NSMCE2: variants seen among roughly 807,000 people sequenced by gnomAD.
The protein encoded by NSMCE2 is E3 SUMO-protein ligase NSE2.
Under a neutral mutation model 23.8 loss-of-function variants are expected in NSMCE2, and 24 were observed. The ratio of observed to expected loss-of-function variants is 1.01; its 90% CI spans 0.73 to 1.42. The LOEUF (loss-of-function observed/expected upper bound fraction) is 1.42. NSMCE2 is among the 40% of genes most tolerant of loss of function. NSMCE2 has a pLI of 0.00. For missense variants in NSMCE2, 284 were observed against 296.5 expected, an observed-to-expected ratio of 0.96 and a Z score of 0.31; for synonymous variants, 92 against 94.1, an observed-to-expected ratio of 0.98 and a Z score of 0.13.
chr8:125,282,088 G>A (rs1029249895), intron 5 of NSMCE2, among the ~76,000 whole-genome samples: 16 of 151,600 alleles, frequency 1.1e-4, no homozygotes, highest in Non-Finnish European at 2.4e-4. Flanking sequence ...GAAATCGGAT[G>A]TTTGGATTTT....
intron 5 of NSMCE2, among the ~76,000 whole-genome samples, chr8:125,246,861 A>G (rs1288246598): frequency 6.6e-6 from 1 of 152,210 alleles, no homozygotes; most frequent in Non-Finnish European, 1.5e-5. Flanking sequence ...TAATTAACAT[A>G]TCTGACACCG....
intron 5 of NSMCE2, chr8:125,348,856 AATACAGGAACCT>A (rs1812898533): frequency 6.6e-6 from 1 of 152,218 alleles, no homozygotes; most frequent in Non-Finnish European, 1.5e-5. Context: ...AGAACGGACT[AATACAGGAACCT>A]AGGATTCAGC....
intron 4 of NSMCE2, among the ~76,000 whole-genome samples, chr8:125,168,928 C>T (rs1822033594): frequency 6.6e-6 from 1 of 152,196 alleles, no homozygotes; most frequent in Admixed American, 6.5e-5. Flanking sequence ...ACCATGTATT[C>T]TCAACCAGGG....
At chr8:125,155,991 T>A (rs1821284056) in intron 4 of NSMCE2, 1 of 452,742 alleles carries the variant, frequency 2.2e-6, no homozygotes, top group Non-Finnish European at 4.4e-6. Context: ...AAAATATATA[T>A]CCTCTCAGCT....
chr8:125,261,759 CAAAAA>C (rs1826701467), intron 5 of NSMCE2, among the ~76,000 whole-genome samples: 4 of 147,482 alleles, frequency 2.7e-5, no homozygotes, highest in African/African-American at 1.0e-4. Flanking sequence ...AAAAAAAAAA[CAAAAA>C]CAAAACAGCT....
intron 5 of NSMCE2, among the ~76,000 whole-genome samples, chr8:125,257,200 C>G (rs1826471070): frequency 6.6e-6 from 1 of 151,352 alleles, no homozygotes; most frequent in Non-Finnish European, 1.5e-5. Context: ...AGGAGAATCA[C>G]TTGAACCCAG....
chr8:125,279,731 C>T (rs905780341), intron 5 of NSMCE2, among the ~76,000 whole-genome samples: 3 of 152,066 alleles, frequency 2.0e-5, no homozygotes, highest in Non-Finnish European at 4.4e-5. Context: ...AATAAGCATC[C>T]ATATTTAAAA....
chr8:125,125,485 A>G (rs1044890441), intron 3 of NSMCE2, among the ~76,000 whole-genome samples: 1 of 152,236 alleles, frequency 6.6e-6, no homozygotes, highest in African/African-American at 2.4e-5. Flanking sequence ...AAGCAAGTGG[A>G]ATAAAGCTGT....
chr8:125,167,838 A>G (rs560630758), intron 4 of NSMCE2, among the ~76,000 whole-genome samples: 224 of 151,790 alleles, frequency 1.5e-3, no homozygotes, highest in Middle Eastern at 6.8e-3. Context: ...TCTCAGTTCC[A>G]CATGCTGTGA....
chr8:125,351,351 C>CA (rs1254374754), intron 5 of NSMCE2: 2 of 149,652 alleles, frequency 1.3e-5, no homozygotes, highest in African/African-American at 4.9e-5. Flanking sequence ...CATTTTGTGA[C>CA]ATAAAAAAAA....
intron 5 of NSMCE2, among the ~76,000 whole-genome samples, chr8:125,194,317 TC>T (rs1823502615): frequency 6.6e-6 from 1 of 152,198 alleles, no homozygotes; most frequent in African/African-American, 2.4e-5. Context: ...TTTTAATTTT[TC>T]CAGAATGTTG....
chr8:125,364,892 G>A (rs1180786085), intron 7 of NSMCE2, among the ~76,000 whole-genome samples: 4 of 152,182 alleles, frequency 2.6e-5, no homozygotes, highest in African/African-American at 9.7e-5. Context: ...CAAGTAGGTG[G>A]TAGAGAGAAA....
chr8:125,302,838 A>G (rs1433062907), intron 5 of NSMCE2, among the ~76,000 whole-genome samples: 6 of 152,126 alleles, frequency 3.9e-5, no homozygotes, highest in Non-Finnish European at 5.9e-5. Flanking sequence ...CCTCCACTTG[A>G]CCACTCTGCA....
intron 4 of NSMCE2, among the ~76,000 whole-genome samples, chr8:125,177,013 T>C (rs1430548588): frequency 6.6e-6 from 1 of 152,228 alleles, no homozygotes; most frequent in East Asian, 1.9e-4. Context: ...GACTTCTCTA[T>C]TTTTTGCCCT....
intron 5 of NSMCE2, among the ~76,000 whole-genome samples, chr8:125,222,205 G>A (rs1824894136): frequency 6.6e-6 from 1 of 151,956 alleles, no homozygotes; most frequent in Admixed American, 6.6e-5. Flanking sequence ...GTATAAGGAT[G>A]TCATTGCCTT....
chr8:125,332,551 C>T (rs79634415), intron 5 of NSMCE2, among the ~76,000 whole-genome samples: 13,964 of 152,212 alleles, frequency 0.092, 724 homozygotes, highest in South Asian at 0.15. Flanking sequence ...AATAATAGTC[C>T]TCATATTACA....
Position 125,357,795 on chromosome 8 carries a change from G to C in NSMCE2, c.603G>C (p.Arg201Ser), listed in dbSNP as rs1222454694. ...EDAIVRMIESRQKRKKKAYCP... is the reference protein window; with the variant it reads ...EDAIVRMIESSQKRKKKAYCP... ...CCATTGTTCGCATGATTGAGTCCAGGCAAAAGCGGAAGAAAAAGGCCTAGT... is the reference window on the plus strand; with the variant it reads ...CCATTGTTCGCATGATTGAGTCCAGCCAAAAGCGGAAGAAAAAGGCCTAGT... The change falls in exon 7 of 8, where the codon AGG (arginine) becomes AGC (serine). Residue 201 changes from arginine to serine, a missense_variant. Arg to Ser is a moderately radical substitution (Grantham distance 110). This residue lies in a region of NSMCE2 where 102 missense variants were observed against 141.0 expected (regional missense o/e 0.72). Transcript: ENST00000287437. 1.2e-6 allele frequency: 2 copies of C among 1,613,770 alleles called. No homozygotes were observed. The highest frequency in any genetic ancestry group is 1.7e-6 in the Non-Finnish European group (2 of 1,179,756).
chr8:125,272,776 CGT>C (rs1491129648), intron 5 of NSMCE2, among the ~76,000 whole-genome samples: 1 of 140,648 alleles, frequency 7.1e-6, no homozygotes, highest in African/African-American at 2.7e-5. Flanking sequence ...TACACACACA[CGT>C]ATATATATAC....
intron 5 of NSMCE2, among the ~76,000 whole-genome samples, chr8:125,341,090 C>G (rs1040406229): frequency 6.6e-6 from 1 of 151,164 alleles, no homozygotes; most frequent in African/African-American, 2.4e-5. Context: ...ATTTTTTTTT[C>G]TTTTGTCTTA....
Sources: allele counts gnomAD v4.1 joint callset (sites outside exome capture counted in the v4.1 genomes callset), GRCh38; gene constraint gnomAD v4.1.1; regional missense constraint gnomAD v4.1.1; transcripts MANE v1.5; gene names NCBI Gene and HGNC (gene_info 2026-07-23, HGNC 2026-07-21).